The following KIF6 variants were observed in gnomAD, a reference collection of about 807,000 sequenced individuals.
The protein encoded by KIF6 is kinesin-like protein KIF6.
In KIF6, 106 loss-of-function variants were observed where a neutral mutation model predicts 112.7. The observed-to-expected ratio is 0.94, with a 90% CI of 0.80 to 1.11. KIF6 has a LOEUF of 1.11. Ranked by LOEUF, KIF6 falls within the 50% of genes least tolerant of loss-of-function variation. KIF6 has a pLI of 0.00. For missense variants in KIF6, 929 were observed against 964.0 expected (o/e 0.96, Z 0.48); for synonymous variants, 339 against 339.9 (o/e 1.00, Z 0.03).
intron 13 of KIF6, among the ~76,000 whole-genome samples, chr6:39,452,785 A>C (rs138095170): frequency 1.1e-3 from 165 of 152,342 alleles, no homozygotes; most frequent in South Asian, 4.1e-3. Context: ...CCAAGCAACA[A>C]AATAAATAGT....
intron 4 of KIF6, among the ~76,000 whole-genome samples, chr6:39,637,030 G>A (rs1784653377): frequency 1.3e-5 from 2 of 152,004 alleles, no homozygotes; most frequent in African/African-American, 4.8e-5. Flanking sequence ...TGTTGCTGCT[G>A]TTGCTATTAT....
chr6:39,418,947 G>A (rs1399009322), intron 15 of KIF6, among the ~76,000 whole-genome samples: 1 of 152,210 alleles, frequency 6.6e-6, no homozygotes, highest in African/African-American at 2.4e-5. Flanking sequence ...GCCTTCTCCA[G>A]CACAGAGGTG....
At chr6:39,696,629 T>A (rs1788555914) in intron 3 of KIF6, among the ~76,000 whole-genome samples, 1 of 151,878 alleles carries the variant, frequency 6.6e-6, no homozygotes, top group African/African-American at 2.4e-5. Flanking sequence ...AGAATGTGTG[T>A]GTGTGTGTAC....
intron 14 of KIF6, among the ~76,000 whole-genome samples, chr6:39,422,544 C>T (rs1770448104): frequency 6.6e-6 from 1 of 152,200 alleles, no homozygotes; most frequent in Non-Finnish European, 1.5e-5. Context: ...CCACCCCACC[C>T]ACATGTGTTC....
intron 13 of KIF6, among the ~76,000 whole-genome samples, chr6:39,478,183 T>A (rs183019767): frequency 6.6e-6 from 1 of 151,284 alleles, no homozygotes; most frequent in Non-Finnish European, 1.5e-5. Flanking sequence ...TAGTATTTTA[T>A]CTGTTACCCC....
intron 16 of KIF6, among the ~76,000 whole-genome samples, chr6:39,373,849 G>A (rs1766224813): frequency 6.6e-6 from 1 of 151,972 alleles, no homozygotes; most frequent in Admixed American, 6.6e-5. Context: ...AAACTCCAAT[G>A]TTATTTTTTT....
Position 39,343,759 on chromosome 6 carries a change from G to A in KIF6, c.2378C>T (p.Ser793Leu), listed in dbSNP as rs202222855. The A allele has an allele frequency of 6.8e-6, 11 of 1,613,178 alleles. No homozygotes were observed. In the East Asian group the frequency reaches 1.8e-4, roughly 26 times the overall value. The change falls in exon 22 of 23, where the codon TCG becomes TTG. Residue 793 changes from serine to leucine, a missense_variant. By Grantham distance (145) the Ser-to-Leu change is moderately radical. Around this residue, in one of 2 missense-constraint regions of KIF6, gnomAD observed 241 missense variants for 301.4 expected, o/e 0.80. Transcript: ENST00000287152. This position sits in a 1 kb window ranked among gnomAD's most constrained non-coding sequence, Gnocchi z 4.1. ...IPLTGDSQTD[S>L]DIIAFIKARQ... is the part of the protein sequence containing the mutation. ...GGCCTTGATGAAGGCGATGATGTCC[G>A]AGTCCGTCTGGCTGTCTCCGGTGAG...
chr6:39,644,348 A>C (rs947575846), intron 3 of KIF6, among the ~76,000 whole-genome samples: 5 of 152,172 alleles, frequency 3.3e-5, no homozygotes, highest in African/African-American at 9.7e-5. Flanking sequence ...GTGTCCACAC[A>C]AAAATTTGTA....
At chr6:39,365,985 C>G (rs1202353199) in intron 16 of KIF6, among the ~76,000 whole-genome samples, 1 of 152,208 alleles carries the variant, frequency 6.6e-6, no homozygotes, top group Non-Finnish European at 1.5e-5. Flanking sequence ...AACGCAGAGC[C>G]CCTCTGTAGG....
chr6:39,429,844 G>A (rs546514046), intron 14 of KIF6, among the ~76,000 whole-genome samples: 6 of 151,964 alleles, frequency 3.9e-5, no homozygotes, highest in African/African-American at 1.5e-4. Flanking sequence ...GGAGGTGGAG[G>A]TTGCAGTGAG....
intron 19 of KIF6, among the ~76,000 whole-genome samples, chr6:39,349,341 G>A (rs988300104): frequency 2.0e-5 from 3 of 152,170 alleles, no homozygotes; most frequent in African/African-American, 7.2e-5. Context: ...CTCTCTCGGA[G>A]ATGCCGGCGG....
chr6:39,610,127 CA>C (rs1216146735), intron 6 of KIF6, among the ~76,000 whole-genome samples: 2 of 152,064 alleles, frequency 1.3e-5, no homozygotes, highest in Admixed American at 1.3e-4. Context: ...AGCTATAAGA[CA>C]AAAAAAGTAT....
intron 3 of KIF6, among the ~76,000 whole-genome samples, chr6:39,686,068 A>G (rs1372957693): frequency 1.3e-5 from 2 of 152,208 alleles, no homozygotes; most frequent in Admixed American, 6.5e-5. Flanking sequence ...ACGTAAATAT[A>G]TCTTCTTATT....
intron 13 of KIF6, among the ~76,000 whole-genome samples, chr6:39,432,934 G>C (rs904769940): frequency 6.6e-6 from 1 of 152,166 alleles, no homozygotes; most frequent in Middle Eastern, 3.2e-3. Context: ...CCCCCCGCAG[G>C]GGAGCTGATG....
chr6:39,382,799 T>C (rs542145052), intron 16 of KIF6, among the ~76,000 whole-genome samples: 27 of 152,090 alleles, frequency 1.8e-4, no homozygotes, highest in Non-Finnish European at 2.8e-4. Flanking sequence ...TGTATAAATA[T>C]ACCCTTTTCT....
At chr6:39,569,921 A>C (rs1167679055) in intron 10 of KIF6, among the ~76,000 whole-genome samples, 6 of 152,244 alleles carry the variant, frequency 3.9e-5, no homozygotes, top group Admixed American at 6.5e-5. Context: ...TCCACTGGAA[A>C]AAATGAATAC....
At position 39,474,855 on chromosome 6, in the gene KIF6, C is replaced by T. The variant is rs568271265; in HGVS notation, c.1646-43694G>A. 2.0e-5 allele frequency among the ~76,000 whole-genome samples: 3 copies of T among 152,352 alleles called. No individual in the cohort carries two copies. The South Asian group carries it at 6.2e-4, about 32-fold the overall frequency. ...GAACTGCCTTGCAGTGGGCCTACTG[C>T]CTGTGGCATAATCACCAGGGTGGTC... On this transcript the variant is annotated intron_variant, in intron 13 of 22. Transcript: ENST00000287152.
chr6:39,470,767 C>T (rs1240978281), intron 13 of KIF6, among the ~76,000 whole-genome samples: 1 of 145,890 alleles, frequency 6.9e-6, no homozygotes, highest in Non-Finnish European at 1.6e-5. Context: ...AGAAAAAGAC[C>T]CCTGAGCAGG....
In KIF6 at chr6:39,725,257, C is replaced by G. The variant is rs201056107; in HGVS notation, c.54G>C (p.Lys18Asn). 3.9e-5 allele frequency: 62 copies of G among 1,610,136 alleles called. No individual in the cohort carries two copies. Among genetic ancestry groups the G allele is most frequent in the Non-Finnish European group, 5.1e-5 (60 of 1,178,500 alleles). Reference protein sequence around the residue: ...IFARVKPPVRKHQQGIYSIDE... With the variant: ...IFARVKPPVRNHQQGIYSIDE... ...CTCCAGCCCGTACCCCTTGTTGGTG[C>G]TTCCGGACAGGGGGCTTCACCCTCG... is the stretch of plus-strand genomic sequence containing the variant. The change falls in exon 1 of 23, where the codon AAG (lysine) becomes AAC (asparagine). Residue 18 changes from lysine to asparagine, a missense_variant. Around this residue, in one of 2 missense-constraint regions of KIF6, gnomAD observed 688 missense variants for 662.7 expected, o/e 1.04. Coordinates refer to ENST00000287152, the MANE Select transcript of KIF6 (RefSeq NM_145027.6).
Sources: gnomAD v4.1 joint callset for allele counts (sites outside exome capture counted in the v4.1 genomes callset) on GRCh38, gnomAD v4.1.1 for gene constraint, gnomAD v4.1.1 regional missense constraint, Gnocchi (gnomAD v3.1) non-coding constraint, MANE v1.5 for transcripts, NCBI Gene and HGNC (gene_info 2026-07-23, HGNC 2026-07-21) for gene names.